Variants in LANCL1 observed in about 807,000 individuals in gnomAD.
LANCL1 encodes glutathione S-transferase LANCL1.
Under a neutral mutation model 50.6 loss-of-function variants are expected in LANCL1, and 50 were observed. The ratio of observed to expected loss-of-function variants is 0.99; its 90% CI spans 0.79 to 1.25. LANCL1 has a LOEUF of 1.25. Ranked by LOEUF, LANCL1 falls within the 50% of genes most tolerant of loss-of-function variation. The probability of loss-of-function intolerance (pLI) is 0.00; values close to 1 mark genes in which losing one functional copy is unlikely to be tolerated. For synonymous variants in LANCL1, 188 were observed against 178.6 expected, an observed-to-expected ratio of 1.05 and a Z score of -0.42; for missense variants, 532 against 480.7, an observed-to-expected ratio of 1.11 and a Z score of -1.00.
chr2:210,456,116 G>A (rs999484420), intron 3 of LANCL1, among the ~76,000 whole-genome samples: 3 of 152,094 alleles, frequency 2.0e-5, no homozygotes, highest in Non-Finnish European at 4.4e-5. Context: ...CCTTCCCTCT[G>A]AAGCTAACTG....
intron 4 of LANCL1, among the ~76,000 whole-genome samples, chr2:210,443,893 TGAGTGGTAAAGA>T (rs1211016061): frequency 6.6e-6 from 1 of 152,222 alleles, no homozygotes; most frequent in Non-Finnish European, 1.5e-5. Context: ...ATTGGTGGAA[TGAGTGGTAAAGA>T]TGGGCTGGAG....
chr2:210,460,355 C>T (rs1693814654), intron 3 of LANCL1: 1 of 152,150 alleles, frequency 6.6e-6, no homozygotes, highest in African/African-American at 2.4e-5. Context: ...TTTAGAATGA[C>T]ATGGAGACAG....
intron 5 of LANCL1, 119 bp from the exon 6 acceptor site, chr2:210,440,863 A>G (rs1693107153): frequency 2.4e-6 from 2 of 829,040 alleles, no homozygotes; most frequent in Non-Finnish European, 3.7e-6. Context: ...ACCAGCTTAT[A>G]GCCAGGGAAA....
chr2:210,445,084 G>A (rs1693272164), intron 4 of LANCL1, among the ~76,000 whole-genome samples: 1 of 151,784 alleles, frequency 6.6e-6, no homozygotes, highest in African/African-American at 2.4e-5. Flanking sequence ...ATATAAATGT[G>A]TCAAATTATA....
chr2:210,454,664 A>G (rs1693611482), intron 4 of LANCL1, among the ~76,000 whole-genome samples: 1 of 152,188 alleles, frequency 6.6e-6, no homozygotes, highest in South Asian at 2.1e-4. Flanking sequence ...ACCAGCTTCT[A>G]GTGGACCACC....
At chr2:210,477,461 T>C, upstream of LANCL1, 1 of 1,204,814 alleles carries the variant, frequency 8.3e-7, no homozygotes, top group South Asian at 3.6e-5. Context: ...TGGTACATAT[T>C]AGGCCCATTC....
chr2:210,457,542 T>C (rs1693708469), intron 3 of LANCL1, among the ~76,000 whole-genome samples: 1 of 152,186 alleles, frequency 6.6e-6, no homozygotes, highest in African/African-American at 2.4e-5. Flanking sequence ...TACATACTTG[T>C]GGGCCTGGCT....
intron 1 of LANCL1, 69 bp from the exon 2 acceptor site, chr2:210,476,481 C>CG: frequency 7.4e-7 from 1 of 1,353,196 alleles, no homozygotes. Flanking sequence ...AGGGCGGCGG[C>CG]GGCGCCCAGG....
At chr2:210,472,842 C>A (rs763232940) in intron 2 of LANCL1, among the ~76,000 whole-genome samples, 1 of 152,128 alleles carries the variant, frequency 6.6e-6, no homozygotes, top group East Asian at 1.9e-4. Flanking sequence ...CTTTCTCATT[C>A]AGGGATGTAA....
intron 4 of LANCL1, among the ~76,000 whole-genome samples, chr2:210,446,249 G>A (rs543782174): frequency 6.6e-6 from 1 of 152,174 alleles, no homozygotes; most frequent in African/African-American, 2.4e-5. Flanking sequence ...CTGGGACAAA[G>A]CTTCCAAAGG....
At chr2:210,448,067 A>AGTGAG (rs1173631650) in intron 4 of LANCL1, among the ~76,000 whole-genome samples, 1 of 152,202 alleles carries the variant, frequency 6.6e-6, no homozygotes, top group East Asian at 1.9e-4. Context: ...TCTCAGCACC[A>AGTGAG]CATCACACTT....
intron 3 of LANCL1, among the ~76,000 whole-genome samples, chr2:210,465,385 A>G (rs1265228083): frequency 6.6e-6 from 1 of 152,242 alleles, no homozygotes; most frequent in African/African-American, 2.4e-5. Context: ...ATTACACGAA[A>G]CACCTGAACT....
chr2:210,444,339 C>T (rs1302538723), intron 4 of LANCL1, among the ~76,000 whole-genome samples: 2 of 152,166 alleles, frequency 1.3e-5, no homozygotes, highest in Non-Finnish European at 2.9e-5. Flanking sequence ...CTCCCATCTC[C>T]CTCTCCACTA....
At chr2:210,450,195 G>T (rs991722037) in intron 4 of LANCL1, among the ~76,000 whole-genome samples, 2 of 151,900 alleles carry the variant, frequency 1.3e-5, no homozygotes, top group African/African-American at 4.8e-5. Flanking sequence ...CACCACACAC[G>T]TACAGCCATC....
intron 6 of LANCL1, among the ~76,000 whole-genome samples, chr2:210,438,446 T>C (rs1323549301): frequency 2.0e-5 from 3 of 152,210 alleles, no homozygotes; most frequent in Admixed American, 6.5e-5. Context: ...TTTGTATATA[T>C]TGTTTTTCAA....
chr2:210,467,196 G>T (rs1039926061), intron 3 of LANCL1, among the ~76,000 whole-genome samples: 1 of 152,188 alleles, frequency 6.6e-6, no homozygotes, highest in Non-Finnish European at 1.5e-5. Context: ...ACACGGATTC[G>T]TATATGGTAT....
At position 210,476,667 on chromosome 2, in the gene LANCL1, T is replaced by TTGAAGCAAGTGCGCCTCCCGCGTCC. The variant is rs1438511764; in HGVS notation, c.-89_-65dup. On this transcript the variant is annotated 5_prime_UTR_variant, in exon 1 of 10. Coordinates refer to ENST00000450366, the MANE Select transcript of LANCL1 (RefSeq NM_006055.3). ...GCAACCCCGTTCCCACGCCCGCGAC[T>TTGAAGCAAGTGCGCCTCCCGCGTCC]TGAAGCAAGTGCGCCTCCCGCGTCC... 1 of 1,227,432 alleles carries TTGAAGCAAGTGCGCCTCCCGCGTCC rather than the reference T, an allele frequency of 8.1e-7. No individual in the cohort carries two copies. The highest frequency in any genetic ancestry group is 1.6e-5 in the African/African-American group (1 of 64,432). The allele number at this position is 1,227,432 out of a possible 1,614,324, so 76.0% of individuals were successfully genotyped here. A position where few individuals can be genotyped will look rare whatever the true frequency, so the allele number is the denominator to read the frequency against.
At chr2:210,438,045 GATTTC>G (rs1194576300) in intron 6 of LANCL1, among the ~76,000 whole-genome samples, 173 bp from the exon 7 acceptor site, 12 of 151,732 alleles carry the variant, frequency 7.9e-5, no homozygotes, top group Non-Finnish European at 1.6e-4. Context: ...AAGCTTTTGT[GATTTC>G]ATTTAAAAAT....
intron 3 of LANCL1, 47 bp from the exon 4 acceptor site, chr2:210,455,361 A>G: frequency 2.0e-6 from 3 of 1,503,096 alleles, no homozygotes; most frequent in South Asian, 2.4e-5. Context: ...AAAGGCAGTT[A>G]TTTTATTATT....
Sources: gnomAD v4.1 joint callset for allele counts (sites outside exome capture counted in the v4.1 genomes callset) on GRCh38, gnomAD v4.1.1 for gene constraint, MANE v1.5 for transcripts, NCBI Gene and HGNC (gene_info 2026-07-23, HGNC 2026-07-21) for gene names.